Variants in HSPA4L observed in about 807,000 individuals in gnomAD.
HSPA4L encodes the protein heat shock 70 kDa protein 4L.
In HSPA4L, 48 loss-of-function variants were observed where a neutral mutation model predicts 100.3. That is an observed-to-expected ratio of 0.48 (90% CI 0.38 to 0.61). The LOEUF (loss-of-function observed/expected upper bound fraction) is 0.61, where lower values mean the gene tolerates loss of function less well. Ranked by LOEUF, HSPA4L falls within the 20% of genes least tolerant of loss-of-function variation. The probability of loss-of-function intolerance (pLI) is 0.00; values close to 1 mark genes in which losing one functional copy is unlikely to be tolerated. For missense variants in HSPA4L, 886 were observed against 988.6 expected (o/e 0.90, Z 1.39); for synonymous variants, 319 against 328.2 (o/e 0.97, Z 0.30).
At chr4:127,820,139 C>A (rs1733769816) in intron 13 of HSPA4L, among the ~76,000 whole-genome samples, 1 of 152,064 alleles carries the variant, frequency 6.6e-6, no homozygotes, top group Non-Finnish European at 1.5e-5. Context: ...GTTGCAGTTT[C>A]CCCACATCCT....
intron 11 of HSPA4L, chr4:127,809,398 C>G: frequency 1.6e-6 from 2 of 1,222,688 alleles, no homozygotes; most frequent in Non-Finnish European, 2.4e-6. Context: ...CATGCACATT[C>G]ATTTGGATAC....
rs936121665 is a variant in HSPA4L at position 127,827,484 on chromosome 4, C to T, written c.2166+60C>T. The T allele has an allele frequency of 4.4e-6, 7 of 1,580,604 alleles. No homozygotes were observed. The Admixed American group carries it at 8.5e-5, about 19-fold the overall frequency. ...CATGTGCATGGTACATAGAATGGGG[C>T]AAATCTAAAAGTTCTCAGCTACAAA... On this transcript the variant is annotated intron_variant, in intron 17 of 18. Coordinates refer to ENST00000296464, the MANE Select transcript of HSPA4L (RefSeq NM_014278.4).
chr4:127,800,981 T>C (rs1733158547), intron 4 of HSPA4L, among the ~76,000 whole-genome samples, 157 bp from the exon 5 acceptor site: 1 of 152,210 alleles, frequency 6.6e-6, no homozygotes, highest in African/African-American at 2.4e-5. Flanking sequence ...GTATAGAAAT[T>C]GTCAAACTTA....
chr4:127,820,484 C>A lies in HSPA4L; in HGVS notation c.1731C>A (p.Val577=). Reference sequence around the variant, plus strand: ...ATCAGACACTTAAAAAAGGAAAAGTCAAAAGTATTGATCTACCGATCCAGA... The same window carrying A: ...ATCAGACACTTAAAAAAGGAAAAGTAAAAAGTATTGATCTACCGATCCAGA... The part of the protein sequence containing the change: ...RLNQTLKKGK[V]KSIDLPIQSS... Residue 577 remains valine, a synonymous_variant, in exon 14 of 19, where the codon GTC becomes GTA. Coordinates refer to ENST00000296464, the MANE Select transcript of HSPA4L (RefSeq NM_014278.4). The A allele has an allele frequency of 1.2e-6, 2 of 1,601,836 alleles. No homozygotes were observed. Among genetic ancestry groups the A allele is most frequent in the East Asian group, 4.6e-5 (2 of 43,810 alleles).
Position 127,832,863 on chromosome 4 carries a change from G to A in HSPA4L, c.2509G>A (p.Glu837Lys), listed in dbSNP as rs560229683. 124 of 1,598,908 alleles carry A rather than the reference G, an allele frequency of 7.8e-5. No homozygotes were observed. Among genetic ancestry groups the A allele is most frequent in the Non-Finnish European group, 1.0e-4 (122 of 1,173,552 alleles). The change falls in exon 19 of 19, where the codon GAA becomes AAA. Residue 837 changes from glutamate to lysine, a missense_variant. Transcript: ENST00000296464. ...GCATACTAAATCCTCTGGAGAGATG[G>A]AAGTGGACTAAGTCTTAATTTTACC... Reference protein sequence around the residue: ...SQHTKSSGEMEVD With the variant: ...SQHTKSSGEMKVD
chr4:127,815,149 G>A (rs1733640718), intron 12 of HSPA4L, among the ~76,000 whole-genome samples: 1 of 151,192 alleles, frequency 6.6e-6, no homozygotes, highest in African/African-American at 2.4e-5. Context: ...TTTTTTCTAT[G>A]AGGGTCAGTT....
intron 12 of HSPA4L, among the ~76,000 whole-genome samples, chr4:127,816,831 T>G (rs1369032440): frequency 6.6e-6 from 1 of 152,220 alleles, no homozygotes; most frequent in Non-Finnish European, 1.5e-5. Context: ...CTTAATCTGG[T>G]TTATTTTCCT....
chr4:127,806,231 T>A (rs1016053533), intron 10 of HSPA4L, among the ~76,000 whole-genome samples: 1 of 152,008 alleles, frequency 6.6e-6, no homozygotes, highest in Non-Finnish European at 1.5e-5. Flanking sequence ...TGTATTTTAT[T>A]TTTCCATGTC....
chr4:127,824,682 G>A (rs1733898344), intron 16 of HSPA4L, among the ~76,000 whole-genome samples: 1 of 152,094 alleles, frequency 6.6e-6, no homozygotes, highest in Admixed American at 6.5e-5. Flanking sequence ...TACCACACTG[G>A]TCTGTTGTAT....
Position 127,832,910 on chromosome 4 carries a change from CAAGTA to C in HSPA4L, c.*38_*42del, listed in dbSNP as rs1454688860. 1 of 1,472,896 alleles carries C rather than the reference CAAGTA, an allele frequency of 6.8e-7. No individual in the cohort carries two copies. Among genetic ancestry groups the C allele is most frequent in the Non-Finnish European group, 9.3e-7 (1 of 1,080,458 alleles). The allele number at this position is 1,472,896 out of a possible 1,614,324, so 91.2% of individuals were successfully genotyped here. A position where few individuals can be genotyped will look rare whatever the true frequency, so the allele number is the denominator to read the frequency against. ...TACCTTCACATTAATTCAAACCGTG[CAAGTA>C]ACCACGGGGTCCATCTTTTACATCT... On this transcript the variant is annotated 3_prime_UTR_variant, in exon 19 of 19. Transcript: ENST00000296464.
intron 2 of HSPA4L, among the ~76,000 whole-genome samples, chr4:127,794,941 C>T (rs928450957): frequency 6.6e-6 from 1 of 152,248 alleles, no homozygotes; most frequent in African/African-American, 2.4e-5. Context: ...ATTTGAACTG[C>T]ATATTCTAGT....
At chr4:127,826,923 A>G (rs148608434) in intron 16 of HSPA4L, among the ~76,000 whole-genome samples, 1,782 of 152,270 alleles carry the variant, frequency 0.012, 19 homozygotes, top group Non-Finnish European at 0.019. Flanking sequence ...AGAGGGTTAT[A>G]TTATGATTTT....
intron 12 of HSPA4L, among the ~76,000 whole-genome samples, chr4:127,816,471 G>C (rs1471556353): frequency 6.6e-6 from 1 of 152,100 alleles, no homozygotes; most frequent in Non-Finnish European, 1.5e-5. Context: ...CTCATCACCT[G>C]TGCATCTGTG....
rs1436213031 is a variant in HSPA4L, at chr4:127,822,810, TG to T, written c.1855del (p.Asp619MetfsTer30). ...AAGATAAGTTAGAGAAAGAAAGAAATGATGCTAAGAATGCCGTTGAAGAATA... is the reference window on the plus strand; with the variant it reads ...AAGATAAGTTAGAGAAAGAAAGAAATATGCTAAGAATGCCGTTGAAGAATA... ...MQDKLEKERN[D>X]AKNAVEEYVY... is the part of the protein sequence containing the mutation. On this transcript the variant is annotated frameshift_variant, in exon 15 of 19. Transcript: ENST00000296464. LOFTEE classifies it high-confidence loss of function. 1 of 1,613,842 alleles carries T rather than the reference TG, an allele frequency of 6.2e-7. No individual in the cohort carries two copies. Among genetic ancestry groups the T allele is most frequent in the Non-Finnish European group, 8.5e-7 (1 of 1,179,846 alleles).
chr4:127,824,575 G>A (rs1733896041), intron 16 of HSPA4L, among the ~76,000 whole-genome samples: 3 of 152,184 alleles, frequency 2.0e-5, no homozygotes, highest in Admixed American at 2.0e-4. Context: ...TTACTGGCAT[G>A]TCTTTAAGAA....
chr4:127,783,200 G>C (rs1732616020), intron 1 of HSPA4L, among the ~76,000 whole-genome samples: 1 of 150,674 alleles, frequency 6.6e-6, no homozygotes, highest in Non-Finnish European at 1.5e-5. Context: ...TTTTTTAAGG[G>C]CGGGGAGTGA....
In HSPA4L at chr4:127,833,649, A is replaced by C. The variant is rs1419669769; in HGVS notation, c.*775A>C. The C allele has an allele frequency of 6.6e-6, 1 of 152,196 alleles. No homozygotes were observed. Among genetic ancestry groups the C allele is most frequent in the African/African-American group, 2.4e-5 (1 of 41,468 alleles). The allele number at this position is 152,196 out of a possible 1,614,324, so 9.4% of individuals were successfully genotyped here. On this transcript the variant is annotated 3_prime_UTR_variant, in exon 19 of 19. Transcript: ENST00000296464. ...CTCTGACAAAATGACTTTCATGTTA[A>C]GGGGAAATGCTGTTTATCTACTCAG...
At chr4:127,832,138 A>C (rs924570241) in intron 18 of HSPA4L, among the ~76,000 whole-genome samples, 1 of 152,324 alleles carries the variant, frequency 6.6e-6, no homozygotes, top group East Asian at 1.9e-4. Flanking sequence ...TGTAAAAAGC[A>C]AGGAAATTGA....
intron 14 of HSPA4L, 144 bp downstream of exon 14, chr4:127,820,709 A>G (rs1283937194): frequency 5.5e-6 from 4 of 725,346 alleles, no homozygotes; most frequent in Non-Finnish European, 8.8e-6. Context: ...TATTTTTTAC[A>G]AAATACTGAG....
Sources: allele counts gnomAD v4.1 joint callset (sites outside exome capture counted in the v4.1 genomes callset), GRCh38; gene constraint gnomAD v4.1.1; transcripts MANE v1.5; gene names NCBI Gene and HGNC (gene_info 2026-07-23, HGNC 2026-07-21).